Variants in SLC37A3 observed in about 807,000 individuals in gnomAD.
SLC37A3 encodes the protein sugar phosphate exchanger 3.
A neutral mutation model predicts 67.1 loss-of-function variants in SLC37A3; 51 were observed. The ratio of observed to expected loss-of-function variants is 0.76; its 90% CI spans 0.61 to 0.96. The LOEUF (loss-of-function observed/expected upper bound fraction) is 0.96, where lower values mean the gene tolerates loss of function less well. Among genes scored for constraint, SLC37A3 ranks in the 40% least tolerant of loss-of-function variants. The pLI is 0.00. For missense variants in SLC37A3, 508 were observed against 603.0 expected, an observed-to-expected ratio of 0.84 and a Z score of 1.65; for synonymous variants, 214 against 231.4, an observed-to-expected ratio of 0.92 and a Z score of 0.68.
At chr7:140,371,574 T>A (rs189153766) in intron 3 of SLC37A3, among the ~76,000 whole-genome samples, 1 of 152,328 alleles carries the variant, frequency 6.6e-6, no homozygotes, top group East Asian at 1.9e-4. Context: ...TCCTTTAGAA[T>A]AAGAACCAAG....
At chr7:140,395,379 T>TAAAAAAAAAAA (rs35674101) in intron 1 of SLC37A3, among the ~76,000 whole-genome samples, 1 of 77,792 alleles carries the variant, frequency 1.3e-5, no homozygotes. Flanking sequence ...CATCTCAAAT[T>TAAAAAAAAAAA]AAAAAAAAAA....
chr7:140,364,558 G>T, intron 4 of SLC37A3, 67 bp from the exon 5 acceptor site: 1 of 1,405,664 alleles, frequency 7.1e-7, no homozygotes, highest in Non-Finnish European at 1.0e-6. Flanking sequence ...AACATGCACT[G>T]CAAAGCAAAT....
chr7:140,350,286 G>A (rs1796739741), intron 9 of SLC37A3, among the ~76,000 whole-genome samples: 1 of 152,170 alleles, frequency 6.6e-6, no homozygotes, highest in African/African-American at 2.4e-5. Flanking sequence ...TGGGTAAGCT[G>A]GAAACATAAC....
At chr7:140,364,919 T>A (rs1243095668) in intron 4 of SLC37A3, among the ~76,000 whole-genome samples, 1 of 152,202 alleles carries the variant, frequency 6.6e-6, no homozygotes, top group East Asian at 1.9e-4. Context: ...AGTGATAAGC[T>A]ATCCCAAAGG....
intron 5 of SLC37A3, among the ~76,000 whole-genome samples, chr7:140,361,369 C>T (rs903786685): frequency 3.9e-5 from 6 of 151,986 alleles, no homozygotes; most frequent in African/African-American, 1.4e-4. Context: ...GTAATCCCAG[C>T]TACTCAGGAG....
rs753452188 is a variant in SLC37A3, at chr7:140,352,162, G to A, written c.619-16C>T. 1.4e-6 allele frequency: 2 copies of A among 1,441,348 alleles called. No individual in the cohort carries two copies. The highest frequency in any genetic ancestry group is 1.9e-6 in the Non-Finnish European group (2 of 1,072,512). The allele number at this position is 1,441,348 out of a possible 1,614,324, so 89.3% of individuals were successfully genotyped here. A position where few individuals can be genotyped will look rare whatever the true frequency, so the allele number is the denominator to read the frequency against. On this transcript the variant is annotated splice_polypyrimidine_tract_variant and intron_variant, in intron 7 of 14. Transcript: ENST00000326232. The stretch of plus-strand genomic sequence containing the variant: ...GAAAGGCATACTGGAGGAGAGGGGT[G>A]AAAGGTGGTCCTTACATATCTGGGG...
intron 14 of SLC37A3, 31 bp downstream of exon 14, chr7:140,337,253 C>CTTTT: frequency 1.5e-6 from 2 of 1,305,354 alleles, no homozygotes; most frequent in Non-Finnish European, 2.1e-6. Context: ...AGAAAAATGA[C>CTTTT]TTTTTTTTTT....
chr7:140,352,264 G>A, intron 7 of SLC37A3, 118 bp from the exon 8 acceptor site: 1 of 812,452 alleles, frequency 1.2e-6, no homozygotes. Context: ...GGGAGACCGG[G>A]AAGCAAGGGA....
rs763797161 is a variant in SLC37A3 at position 140,345,959 on chromosome 7, G to A, written c.1036C>T (p.Gln346Ter). 1.1e-5 allele frequency: 17 copies of A among 1,613,424 alleles called. No individual in the cohort carries two copies. The highest frequency in any genetic ancestry group is 1.4e-5 in the Non-Finnish European group (16 of 1,179,546). ...TGTAGTACATCAGAGATGAAGCCTTGCAAAGTTCCACCTTCAAGCAGAGTG... is the reference window on the plus strand; with the variant it reads ...TGTAGTACATCAGAGATGAAGCCTTACAAAGTTCCACCTTCAAGCAGAGTG... ...DVGGIIGGTL[Q>*]GFISDVLQKR... Residue 346 changes from glutamine (Q) to a stop codon, truncating the protein, a stop_gained, in exon 11 of 15, where the codon CAA becomes TAA. Transcript: ENST00000326232. LOFTEE classifies it high-confidence loss of function.
intron 3 of SLC37A3, among the ~76,000 whole-genome samples, chr7:140,374,428 C>T (rs1334073587): frequency 6.7e-6 from 1 of 148,734 alleles, no homozygotes; most frequent in African/African-American, 2.5e-5. Context: ...ACCCAGGAGG[C>T]AGAGGATGCA....
intron 1 of SLC37A3, among the ~76,000 whole-genome samples, chr7:140,385,984 T>C (rs1798432585): frequency 6.6e-6 from 1 of 152,186 alleles, no homozygotes; most frequent in African/African-American, 2.4e-5. Context: ...GGTTTCACCA[T>C]GTTGGCCAGG....
At chr7:140,387,555 C>T (rs1373737193) in intron 1 of SLC37A3, among the ~76,000 whole-genome samples, 3 of 142,896 alleles carry the variant, frequency 2.1e-5, no homozygotes, top group Non-Finnish European at 4.5e-5. Context: ...GTGGAGGCTG[C>T]GGTGAGCTGA....
intron 1 of SLC37A3, among the ~76,000 whole-genome samples, chr7:140,395,495 G>A (rs1798887782): frequency 6.6e-6 from 1 of 151,248 alleles, no homozygotes; most frequent in South Asian, 2.1e-4. Flanking sequence ...ATCATTTGAG[G>A]TCAGGAGTTC....
At chr7:140,382,005 C>T (rs527872678) in intron 2 of SLC37A3, among the ~76,000 whole-genome samples, 5 of 106,770 alleles carry the variant, frequency 4.7e-5, no homozygotes, top group African/African-American at 1.8e-4. Context: ...CAAAGTGATA[C>T]TCCGTCTCAA....
At chr7:140,374,105 G>A (rs1282435498) in intron 3 of SLC37A3, among the ~76,000 whole-genome samples, 1 of 152,114 alleles carries the variant, frequency 6.6e-6, no homozygotes, top group Non-Finnish European at 1.5e-5. Flanking sequence ...GGGGTGCTAT[G>A]ACCAAAAAGC....
intron 5 of SLC37A3, among the ~76,000 whole-genome samples, chr7:140,359,805 G>T (rs1340028463): frequency 6.6e-6 from 1 of 152,144 alleles, no homozygotes; most frequent in Non-Finnish European, 1.5e-5. Context: ...AGGGGCTGGA[G>T]AAAGAAGGGG....
At chr7:140,383,763 G>A (rs922145893) in intron 1 of SLC37A3, among the ~76,000 whole-genome samples, 6 of 151,688 alleles carry the variant, frequency 4.0e-5, no homozygotes, top group African/African-American at 7.3e-5. Context: ...TGCAACCTCC[G>A]CTTCCCAGGC....
intron 1 of SLC37A3, among the ~76,000 whole-genome samples, chr7:140,388,250 T>C (rs1443879187): frequency 6.6e-6 from 1 of 151,354 alleles, no homozygotes; most frequent in Non-Finnish European, 1.5e-5. Flanking sequence ...CTGGGAAACA[T>C]GGCAAAACCC....
At chr7:140,368,458 T>G (rs1797693931) in intron 4 of SLC37A3, among the ~76,000 whole-genome samples, 2 of 152,004 alleles carry the variant, frequency 1.3e-5, no homozygotes, top group African/African-American at 2.4e-5. Context: ...TCCCAGCTAC[T>G]CAGGAGGCTG....
Sources: allele counts gnomAD v4.1 joint callset (sites outside exome capture counted in the v4.1 genomes callset), GRCh38; gene constraint gnomAD v4.1.1; transcripts MANE v1.5; gene names NCBI Gene and HGNC (gene_info 2026-07-23, HGNC 2026-07-21).